SYNPR: variants seen among roughly 807,000 people sequenced by gnomAD.
SYNPR encodes the protein synaptoporin.
Under a neutral mutation model 32.9 loss-of-function variants are expected in SYNPR, and 23 were observed. The ratio of observed to expected loss-of-function variants is 0.70; its 90% CI spans 0.50 to 0.99. The LOEUF (loss-of-function observed/expected upper bound fraction) is 0.99. Among genes scored for constraint, SYNPR ranks in the 50% least tolerant of loss-of-function variants. SYNPR has a pLI of 0.00. For missense variants in SYNPR, 318 were observed against 349.3 expected, an observed-to-expected ratio of 0.91 and a Z score of 0.71; for synonymous variants, 146 against 135.9, an observed-to-expected ratio of 1.07 and a Z score of -0.52.
At chr3:63,351,990 G>A (rs911269091) in intron 2 of SYNPR, among the ~76,000 whole-genome samples, 2 of 152,162 alleles carry the variant, frequency 1.3e-5, no homozygotes, top group Admixed American at 1.3e-4. Context: ...ATGTGGGATG[G>A]AAAATATGAA....
At chr3:63,595,717 T>TTATATATATATA in intron 4 of SYNPR, among the ~76,000 whole-genome samples, 1 of 17,884 alleles carries the variant, frequency 5.6e-5, no homozygotes, top group East Asian at 1.4e-3. Flanking sequence ...GAATCTTATT[T>TTATATATATATA]TATATATATA....
intron 2 of SYNPR, among the ~76,000 whole-genome samples, chr3:63,303,339 G>A (rs186383543): frequency 2.1e-3 from 319 of 152,034 alleles, no homozygotes; most frequent in Admixed American, 3.9e-3. Flanking sequence ...CCCTGATCTA[G>A]GTCCTGACTC....
chr3:63,421,832 A>G (rs1699806880), intron 2 of SYNPR, among the ~76,000 whole-genome samples: 3 of 152,180 alleles, frequency 2.0e-5, no homozygotes, highest in African/African-American at 7.2e-5. Context: ...CTTCTCTGCC[A>G]CAGGGCCCTC....
intron 2 of SYNPR, among the ~76,000 whole-genome samples, chr3:63,342,169 A>T (rs1009702948): frequency 6.6e-6 from 1 of 152,180 alleles, no homozygotes; most frequent in African/African-American, 2.4e-5. Flanking sequence ...TCAAGGCTAA[A>T]CTGATGTGAG....
At chr3:63,480,705 G>C (rs1028675833) in intron 2 of SYNPR, 127 bp from the exon 3 acceptor site, 11 of 1,245,628 alleles carry the variant, frequency 8.8e-6, no homozygotes, top group Non-Finnish European at 1.2e-5. Context: ...GCTGAACCAA[G>C]GGCAATGCTC....
intron 2 of SYNPR, among the ~76,000 whole-genome samples, chr3:63,334,370 T>C (rs1279317120): frequency 6.6e-6 from 1 of 152,220 alleles, no homozygotes; most frequent in African/African-American, 2.4e-5. Flanking sequence ...AGAAGAGTCC[T>C]GTGAGACAAG....
intron 2 of SYNPR, among the ~76,000 whole-genome samples, chr3:63,359,820 A>G (rs546788318): frequency 6.6e-6 from 1 of 152,332 alleles, no homozygotes; most frequent in African/African-American, 2.4e-5. Context: ...GGAAATAATA[A>G]TAACATTCAT....
intron 2 of SYNPR, among the ~76,000 whole-genome samples, chr3:63,468,830 C>T (rs777829018): frequency 1.3e-4 from 20 of 151,964 alleles, no homozygotes; most frequent in Non-Finnish European, 2.6e-4. Context: ...AACAAACAAA[C>T]CTCCTACTAT....
At chr3:63,360,387 T>C (rs2107033313) in intron 2 of SYNPR, among the ~76,000 whole-genome samples, 1 of 152,314 alleles carries the variant, frequency 6.6e-6, no homozygotes, top group Middle Eastern at 3.4e-3. Context: ...TTATTTTCTC[T>C]TCTCCCTGTT....
chr3:63,424,246 T>G (rs1257915672), intron 2 of SYNPR, among the ~76,000 whole-genome samples: 1 of 152,178 alleles, frequency 6.6e-6, no homozygotes, highest in African/African-American at 2.4e-5. Context: ...TTTCTGTAAA[T>G]CTGAAGCTAT....
intron 2 of SYNPR, among the ~76,000 whole-genome samples, chr3:63,260,722 G>A (rs950299396): frequency 3.9e-5 from 6 of 151,954 alleles, no homozygotes; most frequent in African/African-American, 1.2e-4. Flanking sequence ...TTGACAAATG[G>A]GATCTAATTA....
At chr3:63,337,232 CAA>C (rs67376099) in intron 2 of SYNPR, among the ~76,000 whole-genome samples, 65 of 55,462 alleles carry the variant, frequency 1.2e-3, no homozygotes, top group Admixed American at 4.4e-3. Flanking sequence ...ACTCTGTCTC[CAA>C]AAAAAAAAAA....
intron 2 of SYNPR, among the ~76,000 whole-genome samples, chr3:63,283,539 G>A (rs973371210): frequency 6.6e-6 from 1 of 151,786 alleles, no homozygotes; most frequent in African/African-American, 2.4e-5. Flanking sequence ...TTTGGAAATG[G>A]CAAAATGTAT....
chr3:63,292,500 T>A (rs892264515), intron 2 of SYNPR, among the ~76,000 whole-genome samples: 1 of 152,226 alleles, frequency 6.6e-6, no homozygotes, highest in African/African-American at 2.4e-5. Context: ...ATACTTGGAT[T>A]TGACTGTCAG....
intron 3 of SYNPR, among the ~76,000 whole-genome samples, chr3:63,497,326 C>A (rs1486061992): frequency 6.6e-6 from 1 of 152,120 alleles, no homozygotes; most frequent in Non-Finnish European, 1.5e-5. Flanking sequence ...ACAAAGAAAA[C>A]TCATTTTCTA....
Position 63,337,171 on chromosome 3 carries a change from G to T in SYNPR, c.84+58429G>T, listed in dbSNP as rs543944671. 5.8e-5 allele frequency among the ~76,000 whole-genome samples: 8 copies of T among 138,362 alleles called. No homozygotes were observed. The East Asian group carries it at 1.1e-3, about 19-fold the overall frequency. 90.8% of individuals were successfully genotyped at this position (138,362 alleles called of 152,430 possible). A position where few individuals can be genotyped will look rare whatever the true frequency, so the allele number is the denominator to read the frequency against. On this transcript the variant is annotated intron_variant, in intron 2 of 5. Transcript: ENST00000478300. ...TGATTGACCCAAGGAGGCAGAGGTT[G>T]CAGTGAGCAAAGATTGTGCCACTGT...
intron 2 of SYNPR, among the ~76,000 whole-genome samples, chr3:63,331,145 C>T (rs1033667304): frequency 1.3e-5 from 2 of 152,148 alleles, no homozygotes; most frequent in African/African-American, 4.8e-5. Context: ...ACTAATTGAT[C>T]ATTGCATTAT....
At chr3:63,332,236 C>T (rs1379044081) in intron 2 of SYNPR, among the ~76,000 whole-genome samples, 4 of 152,188 alleles carry the variant, frequency 2.6e-5, no homozygotes, top group Non-Finnish European at 4.4e-5. Context: ...CCTCTTTACT[C>T]CCTACCCTAG....
intron 5 of SYNPR, among the ~76,000 whole-genome samples, chr3:63,614,050 G>T (rs150025299): frequency 2.1e-5 from 1 of 48,124 alleles, no homozygotes; most frequent in Non-Finnish European, 5.3e-5. Flanking sequence ...CTACCCACAG[G>T]CCACTGTGGA....
Sources: gnomAD v4.1 joint callset for allele counts (sites outside exome capture counted in the v4.1 genomes callset) on GRCh38, gnomAD v4.1.1 for gene constraint, MANE v1.5 for transcripts, NCBI Gene and HGNC (gene_info 2026-07-23, HGNC 2026-07-21) for gene names.